AFG1L: variants seen among roughly 807,000 people sequenced by gnomAD.
AFG1L encodes the protein AFG1-like ATPase.
AFG1L carries 53 observed loss-of-function variants against 62.2 expected under a neutral mutation model. The ratio of observed to expected loss-of-function variants is 0.85; its 90% CI spans 0.68 to 1.07. The LOEUF (loss-of-function observed/expected upper bound fraction) is 1.07, where lower values mean the gene tolerates loss of function less well. Ranked by LOEUF, AFG1L falls within the 50% of genes least tolerant of loss-of-function variation. AFG1L has a pLI of 0.00. For synonymous variants in AFG1L, 228 were observed against 210.3 expected (o/e 1.08, Z -0.73); for missense variants, 555 against 590.5 (o/e 0.94, Z 0.62).
chr6:108,321,671 C>T (rs951242891), intron 1 of AFG1L, among the ~76,000 whole-genome samples: 2 of 152,112 alleles, frequency 1.3e-5, no homozygotes, highest in Admixed American at 6.5e-5. Flanking sequence ...CTCAAATTGC[C>T]GGGAACATTT....
intron 1 of AFG1L, among the ~76,000 whole-genome samples, chr6:108,307,424 T>G (rs1394015656): frequency 6.6e-6 from 1 of 151,866 alleles, no homozygotes; most frequent in African/African-American, 2.4e-5. Flanking sequence ...TTTTTTTTTT[T>G]TTTGGAAACA....
intron 8 of AFG1L, among the ~76,000 whole-genome samples, chr6:108,471,050 AATCTTGGTCGACCAGC>A (rs1398969454): frequency 6.6e-6 from 1 of 152,188 alleles, no homozygotes; most frequent in Non-Finnish European, 1.5e-5. Flanking sequence ...ATTAAACAAG[AATCTTGGTCGACCAGC>A]ATCTTGGTCG....
At chr6:108,503,406 C>T (rs1017773904) in intron 10 of AFG1L, among the ~76,000 whole-genome samples, 7 of 152,212 alleles carry the variant, frequency 4.6e-5, no homozygotes, top group Admixed American at 2.0e-4. Flanking sequence ...CAACATTCAT[C>T]TCTTTGTACA....
intron 6 of AFG1L, among the ~76,000 whole-genome samples, chr6:108,394,709 G>T (rs1033512411): frequency 8.5e-5 from 13 of 152,118 alleles, no homozygotes; most frequent in Non-Finnish European, 2.9e-5. Context: ...GGCACAATTT[G>T]TTTATCCATT....
At chr6:108,411,966 C>T (rs1782139160) in intron 7 of AFG1L, among the ~76,000 whole-genome samples, 1 of 152,152 alleles carries the variant, frequency 6.6e-6, no homozygotes, top group South Asian at 2.1e-4. Flanking sequence ...AAAACTTCTC[C>T]AAGCTAAAGG....
chr6:108,457,376 G>A (rs1358870429), intron 8 of AFG1L, among the ~76,000 whole-genome samples: 1 of 151,828 alleles, frequency 6.6e-6, no homozygotes, highest in Non-Finnish European at 1.5e-5. Flanking sequence ...CATAGCGTAA[G>A]CACCTTTAAC....
chr6:108,320,350 A>G (rs1341387302), intron 1 of AFG1L, among the ~76,000 whole-genome samples: 2 of 152,218 alleles, frequency 1.3e-5, no homozygotes, highest in Admixed American at 6.5e-5. Flanking sequence ...TTAAGGAAAC[A>G]AAGCTTTGTC....
At chr6:108,391,149 A>G (rs1781040149) in intron 6 of AFG1L, among the ~76,000 whole-genome samples, 1 of 152,204 alleles carries the variant, frequency 6.6e-6, no homozygotes, top group African/African-American at 2.4e-5. Context: ...TGGGAGGTAG[A>G]TACCCAAGAG....
intron 10 of AFG1L, among the ~76,000 whole-genome samples, chr6:108,485,229 A>G (rs1172565252): frequency 6.6e-6 from 1 of 152,162 alleles, no homozygotes; most frequent in Non-Finnish European, 1.5e-5. Flanking sequence ...TCTGCAAGCC[A>G]TGGACTTCTC....
At chr6:108,449,199 A>G (rs1771948056) in intron 8 of AFG1L, among the ~76,000 whole-genome samples, 1 of 151,720 alleles carries the variant, frequency 6.6e-6, no homozygotes, top group Non-Finnish European at 1.5e-5. Context: ...ATACACTTAC[A>G]TATATACACA....
chr6:108,326,791 C>T (rs1778062537), intron 2 of AFG1L, among the ~76,000 whole-genome samples: 1 of 152,138 alleles, frequency 6.6e-6, no homozygotes, highest in African/African-American at 2.4e-5. Context: ...GAAACCCTGT[C>T]TCTACTAAAA....
intron 10 of AFG1L, among the ~76,000 whole-genome samples, chr6:108,482,361 T>C (rs1034715761): frequency 5.9e-5 from 9 of 152,206 alleles, no homozygotes; most frequent in African/African-American, 2.2e-4. Flanking sequence ...TAAAATTTTT[T>C]AATAGATTCT....
At chr6:108,413,354 T>G (rs1342814986) in intron 7 of AFG1L, among the ~76,000 whole-genome samples, 2 of 152,120 alleles carry the variant, frequency 1.3e-5, no homozygotes, top group Non-Finnish European at 2.9e-5. Flanking sequence ...ATTAGACAGA[T>G]CAACAAGACA....
chr6:108,520,551 C>G (rs1775086167), intron 12 of AFG1L: 1 of 152,032 alleles, frequency 6.6e-6, no homozygotes, highest in Non-Finnish European at 1.5e-5. Context: ...CAACACTCAC[C>G]CCATGAGGGG....
At chr6:108,447,509 G>C (rs1330263103) in intron 8 of AFG1L, among the ~76,000 whole-genome samples, 1 of 152,070 alleles carries the variant, frequency 6.6e-6, no homozygotes, top group Non-Finnish European at 1.5e-5. Flanking sequence ...ACCCTAATTA[G>C]TTTTTTGGGG....
At chr6:108,481,337 A>G (rs1441780191) in intron 10 of AFG1L, among the ~76,000 whole-genome samples, 1 of 152,200 alleles carries the variant, frequency 6.6e-6, no homozygotes, top group Non-Finnish European at 1.5e-5. Flanking sequence ...ATCCAAGGGT[A>G]GTGGAGAAGT....
chr6:108,310,210 C>A (rs369576526), intron 1 of AFG1L, among the ~76,000 whole-genome samples: 3 of 152,180 alleles, frequency 2.0e-5, no homozygotes, highest in East Asian at 1.9e-4. Context: ...AGCAAACAAG[C>A]CTGCAACATT....
At chr6:108,310,538 A>G (rs1582566577) in intron 1 of AFG1L, among the ~76,000 whole-genome samples, 1 of 150,350 alleles carries the variant, frequency 6.7e-6, no homozygotes, top group African/African-American at 2.5e-5. Flanking sequence ...TGATTTGCAA[A>G]TATTTTCTTC....
At chr6:108,311,655 C>T (rs1168423169) in intron 1 of AFG1L, among the ~76,000 whole-genome samples, 1 of 151,986 alleles carries the variant, frequency 6.6e-6, no homozygotes, top group Non-Finnish European at 1.5e-5. Flanking sequence ...CTCCACCAAG[C>T]CCAGCTGTCA....
Sources: gnomAD v4.1 joint callset for allele counts (sites outside exome capture counted in the v4.1 genomes callset) on GRCh38, gnomAD v4.1.1 for gene constraint, MANE v1.5 for transcripts, NCBI Gene and HGNC (gene_info 2026-07-23, HGNC 2026-07-21) for gene names.